ACBD5: variants seen among roughly 807,000 people sequenced by gnomAD.
ACBD5 encodes the protein acyl-CoA binding domain containing 5.
Under a neutral mutation model 71.8 loss-of-function variants are expected in ACBD5, and 40 were observed. That is an observed-to-expected ratio of 0.56 (90% CI 0.43 to 0.72). The LOEUF is 0.72. Among genes scored for constraint, ACBD5 ranks in the 30% least tolerant of loss-of-function variants. The pLI, the probability that ACBD5 is intolerant of heterozygous loss-of-function variation, is 0.00. For missense variants in ACBD5, 559 were observed against 644.5 expected (o/e 0.87, Z 1.44); for synonymous variants, 229 against 218.6 (o/e 1.05, Z -0.42).
rs1327143871 is a variant in ACBD5 at position 27,195,991 on chromosome 10, T to C, written c.*1439A>G. 9.5e-6 allele frequency: 4 copies of C among 423,168 alleles called. No individual in the cohort carries two copies. The highest frequency in any genetic ancestry group is 4.1e-5 in the African/African-American group (2 of 48,396). The allele number at this position is 423,168 out of a possible 1,614,324, so 26.2% of individuals were successfully genotyped here. A position where few individuals can be genotyped will look rare whatever the true frequency, so the allele number is the denominator to read the frequency against. ...GCCGAGGCAGGCAGATCACCTGAGG[T>C]TGGGAGTTTGAGATCAGCCTTACCA... On this transcript the variant is annotated 3_prime_UTR_variant, in exon 13 of 13. Coordinates refer to ENST00000396271, the MANE Select transcript of ACBD5 (RefSeq NM_145698.5).
intron 8 of ACBD5, among the ~76,000 whole-genome samples, chr10:27,214,533 G>A (rs2061429926): frequency 6.6e-6 from 1 of 151,564 alleles, no homozygotes; most frequent in Non-Finnish European, 1.5e-5. Context: ...ATACCTATGT[G>A]CCCATTAAAA....
intron 2 of ACBD5, 76 bp from the exon 3 acceptor site, chr10:27,235,288 T>C (rs933096450): frequency 2.0e-6 from 3 of 1,530,010 alleles, no homozygotes; most frequent in Admixed American, 1.7e-5. Context: ...AGCTTAGCTA[T>C]ACTAATAGTG....
rs1161184394 is a variant in ACBD5 at position 27,215,532 on chromosome 10, T to C, written c.936+3A>G. On this transcript the variant is annotated splice_donor_region_variant and intron_variant, in intron 8 of 12. Transcript: ENST00000396271. Reference sequence around the variant, plus strand: ...TACACCAATCAGAAAATGTCATTTTTACCTCTTCTTGTCCAAATTGTTCCA... The same window carrying C: ...TACACCAATCAGAAAATGTCATTTTCACCTCTTCTTGTCCAAATTGTTCCA... 1.2e-6 allele frequency: 2 copies of C among 1,602,570 alleles called. No individual in the cohort carries two copies. Among genetic ancestry groups the C allele is most frequent in the South Asian group, 2.2e-5 (2 of 90,618 alleles).
intron 2 of ACBD5, among the ~76,000 whole-genome samples, chr10:27,239,202 G>A (rs2065149807): frequency 6.6e-6 from 1 of 152,054 alleles, no homozygotes; most frequent in Non-Finnish European, 1.5e-5. Context: ...CATCTCTAAA[G>A]AAATAAATAT....
At chr10:27,241,731 A>T (rs2489374), upstream of ACBD5, among the ~76,000 whole-genome samples, 117,672 of 151,282 alleles carry the variant, frequency 0.78, 45,892 homozygotes, top group African/African-American at 0.86. Flanking sequence ...AAAAAAAAAA[A>T]TAAAAATAGG....
intron 4 of ACBD5, among the ~76,000 whole-genome samples, chr10:27,224,743 A>G (rs971632919): frequency 2.6e-5 from 4 of 152,186 alleles, no homozygotes; most frequent in African/African-American, 9.7e-5. Context: ...TTAATATGAT[A>G]ACAGGGGCCG....
At chr10:27,229,451 G>T (rs2780674) in intron 4 of ACBD5, among the ~76,000 whole-genome samples, 79,183 of 151,368 alleles carry the variant, frequency 0.52, 23,463 homozygotes, top group Non-Finnish European at 0.67. Context: ...AATTAGCTGG[G>T]CGTGACGGCA....
chr10:27,210,095 T>A (rs981514342), intron 9 of ACBD5, among the ~76,000 whole-genome samples: 44 of 152,256 alleles, frequency 2.9e-4, no homozygotes, highest in Non-Finnish European at 1.0e-4. Context: ...AACAGTGTTA[T>A]ATTGCAGAGT....
chr10:27,187,679 G>T (rs1454083812), intron 13 of ACBD5, among the ~76,000 whole-genome samples: 4 of 151,574 alleles, frequency 2.6e-5, no homozygotes, highest in East Asian at 3.9e-4. Context: ...TTGAACCCAG[G>T]AGGTGGAGAT....
chr10:27,227,524 A>G (rs2063238310), intron 4 of ACBD5, among the ~76,000 whole-genome samples: 1 of 151,838 alleles, frequency 6.6e-6, no homozygotes, highest in Admixed American at 6.5e-5. Context: ...GCTGATCACT[A>G]GAAGCCTATC....
At chr10:27,235,328 T>C (rs987528560) in intron 2 of ACBD5, 116 bp from the exon 3 acceptor site, 112 of 1,295,208 alleles carry the variant, frequency 8.6e-5, no homozygotes, top group Admixed American at 5.5e-4. Flanking sequence ...CTTTAGATAA[T>C]GATTTATTTC....
chr10:27,208,024 G>C lies in ACBD5; in HGVS notation c.1404+222C>G, dbSNP rs6482604. Among the ~76,000 whole-genome samples the C allele has an allele frequency of 0.81, 123,597 of 152,158 alleles. 50,603 individuals are homozygous for C. The highest frequency in any genetic ancestry group is 0.92 in the African/African-American group (38,360 of 41,524). ...TGTTGGGATTACAGGCGTGAGCCACGGCGCCCAGCCATTTTTCTATTATTT... is the reference window on the plus strand; with the variant it reads ...TGTTGGGATTACAGGCGTGAGCCACCGCGCCCAGCCATTTTTCTATTATTT... On this transcript the variant is annotated intron_variant, in intron 10 of 12. Transcript: ENST00000396271.
At chr10:27,199,532 C>T (rs2059698068) in intron 12 of ACBD5, among the ~76,000 whole-genome samples, 1 of 152,152 alleles carries the variant, frequency 6.6e-6, no homozygotes, top group African/African-American at 2.4e-5. Context: ...GATAAGGGAA[C>T]AGGAATAAAT....
chr10:27,192,306 A>G (rs2059113253), downstream of ACBD5, among the ~76,000 whole-genome samples: 1 of 151,368 alleles, frequency 6.6e-6, no homozygotes, highest in African/African-American at 2.4e-5. Context: ...TATAATAATG[A>G]AAAAAAAAGT....
chr10:27,190,305 G>A (rs1182177199), downstream of ACBD5, among the ~76,000 whole-genome samples: 1 of 129,516 alleles, frequency 7.7e-6, no homozygotes, highest in Non-Finnish European at 1.7e-5. Flanking sequence ...ATTTAAAAAT[G>A]TTTTGTCCCA....
intron 5 of ACBD5, chr10:27,220,449 A>G (rs2062192151): frequency 1.3e-5 from 2 of 152,664 alleles, no homozygotes; most frequent in South Asian, 4.1e-4. Flanking sequence ...TAATGTGCAT[A>G]CAAATCTTCT....
At chr10:27,239,919 G>C (rs1272702585) in intron 2 of ACBD5, among the ~76,000 whole-genome samples, 2 of 152,090 alleles carry the variant, frequency 1.3e-5, no homozygotes, top group Non-Finnish European at 2.9e-5. Flanking sequence ...GCTAATTTTC[G>C]TATTTTTTAG....
At chr10:27,187,673 A>T (rs1157371180) in intron 13 of ACBD5, among the ~76,000 whole-genome samples, 2 of 151,370 alleles carry the variant, frequency 1.3e-5, no homozygotes, top group Non-Finnish European at 2.9e-5. Flanking sequence ...AATCGCTTGA[A>T]CCCAGGAGGT....
intron 4 of ACBD5, among the ~76,000 whole-genome samples, chr10:27,225,286 A>G (rs549366415): frequency 2.6e-4 from 40 of 152,090 alleles, no homozygotes; most frequent in African/African-American, 8.7e-4. Flanking sequence ...CCTGGCCAAA[A>G]CCCTAAAATT....
Sources: allele counts gnomAD v4.1 joint callset (sites outside exome capture counted in the v4.1 genomes callset), GRCh38; gene constraint gnomAD v4.1.1; transcripts MANE v1.5; gene names NCBI Gene and HGNC (gene_info 2026-07-23, HGNC 2026-07-21).